Variants in PHF20 observed in about 807,000 individuals in gnomAD.
PHF20 encodes the protein PHD finger protein 20.
Under a neutral mutation model 113.5 loss-of-function variants are expected in PHF20, and 23 were observed. That is an observed-to-expected ratio of 0.20 (90% CI 0.15 to 0.29). The LOEUF is 0.29. Ranked by LOEUF, PHF20 falls within the 10% of genes least tolerant of loss-of-function variation. The probability of loss-of-function intolerance (pLI) is 1.00; values close to 1 mark genes in which losing one functional copy is unlikely to be tolerated. For synonymous variants in PHF20, 434 were observed against 457.3 expected (o/e 0.95, Z 0.65); for missense variants, 943 against 1,219.6 (o/e 0.77, Z 3.38).
At chr20:35,925,938 C>T (rs963134964) in intron 13 of PHF20, among the ~76,000 whole-genome samples, 5 of 151,370 alleles carry the variant, frequency 3.3e-5, no homozygotes, top group Admixed American at 6.6e-5. Flanking sequence ...CTGGCTAACA[C>T]GGTAAAACCC....
chr20:35,911,231 A>T (rs888394849), intron 10 of PHF20, among the ~76,000 whole-genome samples: 1 of 151,768 alleles, frequency 6.6e-6, no homozygotes, highest in Non-Finnish European at 1.5e-5. Context: ...TTTAGTAGAG[A>T]CAGGGTTTTA....
At chr20:35,790,647 C>A (rs538566194) in intron 1 of PHF20, among the ~76,000 whole-genome samples, 1 of 152,184 alleles carries the variant, frequency 6.6e-6, no homozygotes, top group South Asian at 2.1e-4. Context: ...GGCTGAGGTC[C>A]AAACTCAGGC....
chr20:35,847,324 C>A, intron 3 of PHF20, 26 bp from the exon 4 acceptor site: 1 of 1,172,056 alleles, frequency 8.5e-7, no homozygotes, highest in Non-Finnish European at 1.2e-6. Flanking sequence ...GTAACAGGAT[C>A]TTTTTTTTTT....
At chr20:35,805,335 A>C (rs1336621069) in intron 2 of PHF20, among the ~76,000 whole-genome samples, 5 of 150,442 alleles carry the variant, frequency 3.3e-5, no homozygotes, top group East Asian at 1.9e-4. Context: ...CCACAGGCAC[A>C]TGCCACCACG....
chr20:35,832,513 T>G (rs754996136), intron 2 of PHF20, among the ~76,000 whole-genome samples: 2 of 151,966 alleles, frequency 1.3e-5, no homozygotes, highest in African/African-American at 4.8e-5. Flanking sequence ...AGGAAACATA[T>G]AGGAAACTGA....
intron 12 of PHF20, among the ~76,000 whole-genome samples, chr20:35,916,268 A>G (rs1415386114): frequency 1.3e-5 from 2 of 152,250 alleles, no homozygotes; most frequent in African/African-American, 4.8e-5. Flanking sequence ...CACACCTTCA[A>G]TTTGTAAAAT....
At chr20:35,884,472 G>T (rs2054690499) in intron 9 of PHF20, among the ~76,000 whole-genome samples, 1 of 152,152 alleles carries the variant, frequency 6.6e-6, no homozygotes, top group African/African-American at 2.4e-5. Flanking sequence ...TTTCTGTGGG[G>T]GCTGAGTGCA....
At chr20:35,799,581 C>A (rs1206677402) in intron 1 of PHF20, among the ~76,000 whole-genome samples, 1 of 152,094 alleles carries the variant, frequency 6.6e-6, no homozygotes, top group African/African-American at 2.4e-5. Context: ...GCTACATGTC[C>A]ATCAGAACCA....
intron 9 of PHF20, among the ~76,000 whole-genome samples, chr20:35,889,335 G>T (rs1361603142): frequency 6.6e-6 from 1 of 151,488 alleles, no homozygotes; most frequent in Non-Finnish European, 1.5e-5. Flanking sequence ...TTTCTATTTT[G>T]CTCGTAATAT....
At chr20:35,790,033 GT>G (rs1398608643) in intron 1 of PHF20, among the ~76,000 whole-genome samples, 1 of 150,890 alleles carries the variant, frequency 6.6e-6, no homozygotes, top group African/African-American at 2.4e-5. Flanking sequence ...TTTTTTTTGT[GT>G]TTAGTAGAGA....
chr20:35,942,686 A>G (rs1411350123), intron 17 of PHF20, among the ~76,000 whole-genome samples: 1 of 152,252 alleles, frequency 6.6e-6, no homozygotes. Context: ...GAGAGATAAC[A>G]AGAAAGCATT....
In PHF20 at chr20:35,914,086, A is replaced by C. The variant is rs1483942795; in HGVS notation, c.1714A>C (p.Lys572Gln). ...CACCTCCCAGGAACCTTCTCCACCC[A>C]AGGCATTTGCTGTTACCAGGTGTGG... ...SDTSQEPSPP[K>Q]AFAVTRCGSS... is the part of the protein sequence containing the mutation. Residue 572 changes from lysine to glutamine, a missense_variant, in exon 12 of 18, where the codon AAG (lysine) becomes CAG (glutamine). By Grantham distance (53) the Lys-to-Gln change is moderately conservative (BLOSUM62 1). This residue lies in a region of PHF20 where 592 missense variants were observed against 787.2 expected (regional missense o/e 0.75). Coordinates refer to ENST00000374012, the MANE Select transcript of PHF20 (RefSeq NM_016436.5). 3 of 1,614,192 alleles carry C rather than the reference A, an allele frequency of 1.9e-6. No individual in the cohort carries two copies. Among genetic ancestry groups the C allele is most frequent in the Non-Finnish European group, 2.5e-6 (3 of 1,180,018 alleles).
At chr20:35,785,119 A>G (rs1055481799) in intron 1 of PHF20, among the ~76,000 whole-genome samples, 2 of 151,498 alleles carry the variant, frequency 1.3e-5, no homozygotes, top group African/African-American at 4.8e-5. Flanking sequence ...CAGCTCTTCT[A>G]TCTAGCCAGG....
chr20:35,804,254 G>C (rs80156193), intron 2 of PHF20, among the ~76,000 whole-genome samples: 13,665 of 110,492 alleles, frequency 0.12, 769 homozygotes, highest in Middle Eastern at 0.21. Context: ...TTTTTTTTGA[G>C]ACGTAGTCTT....
intron 4 of PHF20, among the ~76,000 whole-genome samples, chr20:35,852,988 C>T (rs1399106414): frequency 2.0e-5 from 3 of 146,578 alleles, no homozygotes; most frequent in Non-Finnish European, 4.5e-5. Flanking sequence ...TTTTGGAGGT[C>T]GAGGCAGGTG....
At chr20:35,820,987 G>A (rs1357722666) in intron 2 of PHF20, among the ~76,000 whole-genome samples, 1 of 152,066 alleles carries the variant, frequency 6.6e-6, no homozygotes, top group African/African-American at 2.4e-5. Context: ...GTAGGAACAT[G>A]TGGCTGGGAG....
chr20:35,913,981 T>C, intron 11 of PHF20, 52 bp from the exon 12 acceptor site: 1 of 1,547,504 alleles, frequency 6.5e-7, no homozygotes, highest in African/African-American at 1.4e-5. Flanking sequence ...GATTCTAGAA[T>C]GCACCAGTGT....
chr20:35,863,529 T>C (rs952004312), intron 6 of PHF20, 129 bp downstream of exon 6: 4 of 956,390 alleles, frequency 4.2e-6, no homozygotes, highest in Non-Finnish European at 6.1e-6. Context: ...TCTTATGATC[T>C]GGAAACAAGT....
At chr20:35,889,330 A>G (rs2054803879) in intron 9 of PHF20, among the ~76,000 whole-genome samples, 1 of 150,466 alleles carries the variant, frequency 6.6e-6, no homozygotes, top group African/African-American at 2.4e-5. Flanking sequence ...ATAATTTTCT[A>G]TTTTGCTCGT....
Sources: allele counts gnomAD v4.1 joint callset (sites outside exome capture counted in the v4.1 genomes callset), GRCh38; gene constraint gnomAD v4.1.1; regional missense constraint gnomAD v4.1.1; transcripts MANE v1.5; gene names NCBI Gene and HGNC (gene_info 2026-07-23, HGNC 2026-07-21).